The following PRELID2 variants were observed in gnomAD, a reference collection of about 807,000 sequenced individuals.
PRELID2 encodes the protein PRELI domain-containing protein 2.
PRELID2 carries 25 observed loss-of-function variants against 28.4 expected under a neutral mutation model. The ratio of observed to expected loss-of-function variants is 0.88; its 90% CI spans 0.64 to 1.23. The LOEUF is 1.23. Among genes scored for constraint, PRELID2 ranks in the 50% most tolerant of loss-of-function variants. The pLI, the probability that PRELID2 is intolerant of heterozygous loss-of-function variation, is 0.00. For missense variants in PRELID2, 201 were observed against 214.4 expected, an observed-to-expected ratio of 0.94 and a Z score of 0.39; for synonymous variants, 76 against 71.6, an observed-to-expected ratio of 1.06 and a Z score of -0.31.
the PRELID2 span, among the ~76,000 whole-genome samples, chr5:145,378,580 C>G: frequency 3.9e-5 from 6 of 152,198 alleles, no homozygotes; most frequent in African/African-American, 1.4e-4. Flanking sequence ...TCTGTTCTGC[C>G]ACTAATACTT....
intron 1 of PRELID2, among the ~76,000 whole-genome samples, chr5:145,648,953 T>C (rs1159359162): frequency 6.6e-6 from 1 of 152,080 alleles, no homozygotes; most frequent in Non-Finnish European, 1.5e-5. Context: ...GTGATAACCA[T>C]GCAGTAGAAA....
chr5:145,714,950 A>G (rs1329427576), intron 1 of PRELID2, among the ~76,000 whole-genome samples: 1 of 151,964 alleles, frequency 6.6e-6, no homozygotes, highest in African/African-American at 2.4e-5. Context: ...CTACATACTC[A>G]ATCTAGGAGT....
At chr5:145,318,879 G>T in the PRELID2 span, among the ~76,000 whole-genome samples, 2 of 152,212 alleles carry the variant, frequency 1.3e-5, no homozygotes, top group East Asian at 3.9e-4. Context: ...GATGGTGAAT[G>T]CAGGGGATTT....
At chr5:145,514,209 T>G (rs775552782) in intron 1 of PRELID2, among the ~76,000 whole-genome samples, 5 of 151,462 alleles carry the variant, frequency 3.3e-5, no homozygotes, top group Non-Finnish European at 7.4e-5. Flanking sequence ...GCAAATTGGA[T>G]AGTCAAGACC....
At position 145,760,086 on chromosome 5, in the gene PRELID2, T is replaced by C. The variant is rs1199537665; in HGVS notation, c.*450A>G. On this transcript the variant is annotated 3_prime_UTR_variant, in exon 7 of 7. Coordinates refer to ENST00000683046, the MANE Select transcript of PRELID2 (RefSeq NM_205846.3). ...CCCGTGAATCAGGTACCAGTTCAAC[T>C]CCCTTATTGGTTCCAGAATCCCCTC... The C allele has an allele frequency of 6.6e-6, 1 of 152,132 alleles. No individual in the cohort carries two copies. The highest frequency in any genetic ancestry group is 1.9e-4 in the East Asian group (1 of 5,200). 9.4% of individuals were successfully genotyped at this position (152,132 alleles called of 1,614,324 possible). A position where few individuals can be genotyped will look rare whatever the true frequency, so the allele number is the denominator to read the frequency against.
At chr5:145,481,813 T>C (rs1460762388) in intron 1 of PRELID2, among the ~76,000 whole-genome samples, 1 of 152,174 alleles carries the variant, frequency 6.6e-6, no homozygotes, top group Non-Finnish European at 1.5e-5. Flanking sequence ...AAGGTTTAAC[T>C]ATTCTAAATT....
rs974778488 is a variant in PRELID2, at chr5:145,550,546, C to A, written n.71-77231G>T. ...CTATGATTGTGCCACTGCCCTCTAA[C>A]CTGGGCAACAGAGTGAGACCTCATC... On this transcript the variant is annotated intron_variant and non_coding_transcript_variant, in intron 1 of 2. Transcript: ENST00000510259. Among the ~76,000 whole-genome samples, 3 of 152,040 alleles carry A rather than the reference C, an allele frequency of 2.0e-5. 1 individual carries two copies. The highest frequency in any genetic ancestry group is 7.2e-5 in the African/African-American group (3 of 41,396).
intron 1 of PRELID2, among the ~76,000 whole-genome samples, chr5:145,705,970 A>ACACACACACACACACACT (rs1397978770): frequency 6.7e-6 from 1 of 149,746 alleles, no homozygotes; most frequent in Non-Finnish European, 1.5e-5. Flanking sequence ...ACACACACAC[A>ACACACACACACACACACT]CTCCCCACAA....
At chr5:145,332,393 T>C in the PRELID2 span, among the ~76,000 whole-genome samples, 1 of 152,222 alleles carries the variant, frequency 6.6e-6, no homozygotes, top group African/African-American at 2.4e-5. Flanking sequence ...CCCATCACTT[T>C]CAGGTACACC....
chr5:145,348,372 G>A, the PRELID2 span, among the ~76,000 whole-genome samples: 6 of 152,154 alleles, frequency 3.9e-5, no homozygotes, highest in African/African-American at 1.4e-4. Context: ...TAGCAAGCAA[G>A]GGATTTTGAA....
intron 1 of PRELID2, among the ~76,000 whole-genome samples, chr5:145,563,582 C>A (rs184985111): frequency 6.6e-6 from 1 of 152,176 alleles, no homozygotes; most frequent in Admixed American, 6.5e-5. Flanking sequence ...ACAGCAGAAC[C>A]TAGGCAAAAA....
chr5:145,817,437 A>G (rs1357781361), intron 4 of PRELID2, among the ~76,000 whole-genome samples: 1 of 138,892 alleles, frequency 7.2e-6, no homozygotes, highest in South Asian at 2.2e-4. Context: ...ATATATATAT[A>G]TATATATATA....
At chr5:145,525,846 A>C (rs548837438) in intron 1 of PRELID2, among the ~76,000 whole-genome samples, 1 of 152,306 alleles carries the variant, frequency 6.6e-6, no homozygotes, top group South Asian at 2.1e-4. Flanking sequence ...CATTCTAAAA[A>C]CTGACTTGAG....
At chr5:145,766,072 C>T (rs1184176893) in intron 5 of PRELID2, among the ~76,000 whole-genome samples, 1 of 152,136 alleles carries the variant, frequency 6.6e-6, no homozygotes, top group Non-Finnish European at 1.5e-5. Context: ...GCATGAATTC[C>T]TTTCCTCCTT....
At chr5:145,458,386 G>T in the PRELID2 span, among the ~76,000 whole-genome samples, 1 of 152,158 alleles carries the variant, frequency 6.6e-6, no homozygotes, top group African/African-American at 2.4e-5. Context: ...TGTATTGTTA[G>T]TTTAAGAAGC....
intron 1 of PRELID2, among the ~76,000 whole-genome samples, chr5:145,705,729 C>A (rs79435158): frequency 0.033 from 5,031 of 152,156 alleles, 272 homozygotes; most frequent in African/African-American, 0.11. Context: ...TTTGAGGAAG[C>A]AGCTATAGAT....
At position 145,723,543 on chromosome 5, in the gene PRELID2, C is replaced by T. The variant is rs561935389; in HGVS notation, n.70+41388G>A. Among the ~76,000 whole-genome samples, 3 of 152,234 alleles carry T rather than the reference C, an allele frequency of 2.0e-5. No homozygotes were observed. The East Asian group carries it at 5.8e-4, about 29-fold the overall frequency. ...CCTTAATAAAACAATGAGTTAAAGG[C>T]ACAAGCCAAAAATTCATTAAAAAGG... On this transcript the variant is annotated intron_variant and non_coding_transcript_variant, in intron 1 of 2. Transcript: ENST00000510259.
chr5:145,354,968 A>C, the PRELID2 span, among the ~76,000 whole-genome samples: 1 of 152,144 alleles, frequency 6.6e-6, no homozygotes, highest in African/African-American at 2.4e-5. Context: ...GCTATTAAAG[A>C]CCAAACAAAA....
At chr5:145,613,501 G>A (rs1460664327) in intron 1 of PRELID2, among the ~76,000 whole-genome samples, 4 of 132,456 alleles carry the variant, frequency 3.0e-5, no homozygotes, top group Admixed American at 2.8e-4. Context: ...GTGTCCAAGT[G>A]TTCTCATTGT....
Sources: allele counts gnomAD v4.1 joint callset (sites outside exome capture counted in the v4.1 genomes callset), GRCh38; gene constraint gnomAD v4.1.1; transcripts MANE v1.5; gene names NCBI Gene and HGNC (gene_info 2026-07-23, HGNC 2026-07-21).